NFASC: variants seen among roughly 807,000 people sequenced by gnomAD.
NFASC encodes the protein neurofascin homolog.
Under a neutral mutation model 147.5 loss-of-function variants are expected in NFASC, and 43 were observed. The observed-to-expected ratio is 0.29, with a 90% CI of 0.23 to 0.38. The LOEUF (loss-of-function observed/expected upper bound fraction) is 0.38, where lower values mean the gene tolerates loss of function less well. Ranked by LOEUF, NFASC falls within the 10% of genes least tolerant of loss-of-function variation. NFASC has a pLI of 1.00. For synonymous variants in NFASC, 622 were observed against 665.5 expected (o/e 0.93, Z 1.01); for missense variants, 1,320 against 1,689.0 (o/e 0.78, Z 3.83).
At chr1:204,998,559 T>C (rs1471509366) in intron 25 of NFASC, 2 of 152,268 alleles carry the variant, frequency 1.3e-5, no homozygotes, top group African/African-American at 4.8e-5. Context: ...ATAGCTGCTG[T>C]GAGCTCCTGA....
intron 1 of NFASC, among the ~76,000 whole-genome samples, chr1:204,851,230 A>G (rs1430803233): frequency 1.3e-5 from 2 of 152,094 alleles, no homozygotes; most frequent in Non-Finnish European, 1.5e-5. Flanking sequence ...GCTTTTGACT[A>G]TTTTTAAACC....
intron 21 of NFASC, chr1:204,984,199 G>A: frequency 4.4e-6 from 5 of 1,134,688 alleles, no homozygotes; most frequent in Non-Finnish European, 6.7e-6. Context: ...CAGGGCCAGG[G>A]GTAGCAAATG....
intron 1 of NFASC, among the ~76,000 whole-genome samples, chr1:204,848,165 C>T (rs1441215505): frequency 6.6e-6 from 1 of 152,216 alleles, no homozygotes; most frequent in Non-Finnish European, 1.5e-5. Context: ...CTGACACTGC[C>T]TCTTAGCAGG....
intron 10 of NFASC, among the ~76,000 whole-genome samples, chr1:204,969,225 T>G (rs1260243142): frequency 1.3e-5 from 2 of 152,156 alleles, no homozygotes; most frequent in African/African-American, 4.8e-5. Context: ...CTCTCCTTGG[T>G]GCCAGCGCTC....
intron 23 of NFASC, 21 bp downstream of exon 23, chr1:204,988,827 C>T: frequency 6.2e-7 from 1 of 1,612,224 alleles, no homozygotes; most frequent in Non-Finnish European, 8.5e-7. Flanking sequence ...GGCAGCAGCC[C>T]CTGGGGTAAA....
intron 1 of NFASC, among the ~76,000 whole-genome samples, chr1:204,853,651 C>T (rs1258009115): frequency 6.6e-6 from 1 of 152,196 alleles, no homozygotes; most frequent in Admixed American, 6.5e-5. Flanking sequence ...CACACAGCTG[C>T]TATCTCTTGG....
chr1:204,862,106 C>A (rs1407172108), intron 1 of NFASC, among the ~76,000 whole-genome samples: 1 of 152,204 alleles, frequency 6.6e-6, no homozygotes, highest in African/African-American at 2.4e-5. Flanking sequence ...CTTGTTTCAT[C>A]CTGTGTAGGA....
intron 1 of NFASC, among the ~76,000 whole-genome samples, chr1:204,865,490 A>G (rs2077034804): frequency 6.6e-6 from 1 of 152,172 alleles, no homozygotes; most frequent in Admixed American, 6.5e-5. Context: ...CATTCTTTTG[A>G]TGTGGAAATA....
chr1:204,842,492 G>A (rs957541064), intron 1 of NFASC, among the ~76,000 whole-genome samples: 2 of 150,710 alleles, frequency 1.3e-5, no homozygotes, highest in African/African-American at 4.9e-5. Context: ...AAAACTCTTT[G>A]TCCCATTTTT....
At chr1:205,013,027 T>C (rs1280310158) in intron 29 of NFASC, among the ~76,000 whole-genome samples, 161 bp downstream of exon 29, 3 of 152,132 alleles carry the variant, frequency 2.0e-5, no homozygotes, top group Non-Finnish European at 4.4e-5. Context: ...TGGTGGAGAG[T>C]GCATGCTGCT....
chr1:204,974,654 G>A lies in NFASC; in HGVS notation c.1392-3G>A, dbSNP rs1286908531. 20 of 1,614,084 alleles carry A rather than the reference G, an allele frequency of 1.2e-5. No homozygotes were observed. The highest frequency in any genetic ancestry group is 1.0e-4 in the Admixed American group (6 of 60,012). The stretch of plus-strand genomic sequence containing the variant: ...GCTGTGTGTTCTGCTGCTCTGTTGT[G>A]AGGTTTAAGAATGGGCAAGGAAGCA... On this transcript the variant is annotated splice_polypyrimidine_tract_variant and splice_region_variant and intron_variant, in intron 13 of 29. Coordinates refer to ENST00000339876, the MANE Select transcript of NFASC (RefSeq NM_001005388.3).
intron 1 of NFASC, among the ~76,000 whole-genome samples, chr1:204,866,287 G>C (rs988681971): frequency 6.6e-6 from 1 of 152,108 alleles, no homozygotes; most frequent in Non-Finnish European, 1.5e-5. Context: ...TGTGCGTAGT[G>C]GGGGCAGAGA....
intron 2 of NFASC, among the ~76,000 whole-genome samples, chr1:204,921,381 T>A (rs927410782): frequency 3.3e-5 from 5 of 152,236 alleles, no homozygotes; most frequent in African/African-American, 9.6e-5. Flanking sequence ...AGTGACAGAC[T>A]GGCCTCCTGG....
rs1016872267 is a variant in NFASC at position 204,968,479 on chromosome 1, G to T, written c.818+119G>T. 2.7e-6 allele frequency: 2 copies of T among 731,836 alleles called. No homozygotes were observed. Among genetic ancestry groups the T allele is most frequent in the African/African-American group, 3.5e-5 (2 of 57,428 alleles). 45.3% of individuals were successfully genotyped at this position (731,836 alleles called of 1,614,324 possible). The stretch of plus-strand genomic sequence containing the variant: ...TACCAGTAGCACAGCAAAAAGAGAA[G>T]CAAACAGCCTCTAGTGAGCAGGGTG... On this transcript the variant is annotated intron_variant, in intron 9 of 29. Transcript: ENST00000339876. This position sits in a 1 kb window ranked among gnomAD's most constrained non-coding sequence, Gnocchi z 5.4.
intron 4 of NFASC, among the ~76,000 whole-genome samples, chr1:204,951,188 G>A (rs1248052336): frequency 1.0e-4 from 14 of 136,542 alleles, no homozygotes; most frequent in South Asian, 2.3e-4. Context: ...TCGCTCTATC[G>A]CCCAGGCTGG....
chr1:204,911,147 T>C (rs2087359928), intron 1 of NFASC, among the ~76,000 whole-genome samples: 1 of 152,212 alleles, frequency 6.6e-6, no homozygotes, highest in Admixed American at 6.5e-5. Context: ...AAAAAAATCA[T>C]GAATGAGTGT....
At chr1:204,861,158 C>T (rs949112548) in intron 1 of NFASC, among the ~76,000 whole-genome samples, 2 of 123,064 alleles carry the variant, frequency 1.6e-5, no homozygotes, top group African/African-American at 6.3e-5. Context: ...GTGCAATCAT[C>T]TGTCACTGCA....
intron 21 of NFASC, among the ~76,000 whole-genome samples, chr1:204,984,620 C>T (rs747765649): frequency 4.6e-5 from 7 of 150,772 alleles, no homozygotes; most frequent in Non-Finnish European, 1.0e-4. Context: ...TCCTTATCTC[C>T]TAAGCCACAA....
rs371466928 is a variant in NFASC at position 204,904,793 on chromosome 1, C to T, written c.-199-15839C>T. On this transcript the variant is annotated intron_variant, in intron 1 of 29. Transcript: ENST00000339876. ...ACTGGGTTAATCATAATTGTTGGTTCATGACTCACTCTCATCATTGGTCCA... is the reference window on the plus strand; with the variant it reads ...ACTGGGTTAATCATAATTGTTGGTTTATGACTCACTCTCATCATTGGTCCA... 4.5e-4 allele frequency among the ~76,000 whole-genome samples: 69 copies of T among 152,286 alleles called. No homozygotes were observed. In the South Asian group the frequency reaches 5.0e-3, roughly 11 times the overall value.
Sources: allele counts gnomAD v4.1 joint callset (sites outside exome capture counted in the v4.1 genomes callset), GRCh38; gene constraint gnomAD v4.1.1; non-coding constraint Gnocchi (gnomAD v3.1); transcripts MANE v1.5; gene names NCBI Gene and HGNC (gene_info 2026-07-23, HGNC 2026-07-21).